RASGEF1C: variants seen among roughly 807,000 people sequenced by gnomAD.
RASGEF1C encodes the protein RasGEF domain family member 1C.
RASGEF1C carries 27 observed loss-of-function variants against 58.1 expected under a neutral mutation model. The observed-to-expected ratio is 0.46, with a 90% CI of 0.34 to 0.64. The LOEUF is 0.64. RASGEF1C is among the 30% of genes least tolerant of loss of function. The pLI, the probability that RASGEF1C is intolerant of heterozygous loss-of-function variation, is 0.01. For synonymous variants in RASGEF1C, 243 were observed against 246.3 expected (o/e 0.99, Z 0.13); for missense variants, 502 against 605.1 (o/e 0.83, Z 1.79).
At chr5:180,169,709 G>T (rs1212305292) in intron 1 of RASGEF1C, among the ~76,000 whole-genome samples, 1 of 152,044 alleles carries the variant, frequency 6.6e-6, no homozygotes, top group Non-Finnish European at 1.5e-5. Flanking sequence ...TGGGGACTTG[G>T]TCTGCACCCT....
intron 4 of RASGEF1C, among the ~76,000 whole-genome samples, chr5:180,136,120 C>T (rs1277215842): frequency 6.6e-6 from 1 of 152,242 alleles, no homozygotes; most frequent in Non-Finnish European, 1.5e-5. Flanking sequence ...CACCTGGCCC[C>T]AAAAGCCCAG....
chr5:180,119,790 C>G (rs1445166685), intron 7 of RASGEF1C, among the ~76,000 whole-genome samples: 1 of 152,216 alleles, frequency 6.6e-6, no homozygotes. Context: ...AGAGCCCCAA[C>G]TACTTGCCCC....
At chr5:180,124,021 CCTAAAA>C (rs1766216378) in intron 6 of RASGEF1C, among the ~76,000 whole-genome samples, 1 of 151,898 alleles carries the variant, frequency 6.6e-6, no homozygotes, top group African/African-American at 2.4e-5. Context: ...CCTAAATAGT[CCTAAAA>C]CCATTAAATT....
intron 1 of RASGEF1C, among the ~76,000 whole-genome samples, chr5:180,193,392 C>T (rs1185700132): frequency 6.6e-6 from 1 of 152,118 alleles, no homozygotes; most frequent in Non-Finnish European, 1.5e-5. Flanking sequence ...CCTTTTTTAA[C>T]GTGGCTACTA....
chr5:180,135,953 C>T (rs1766464765), intron 4 of RASGEF1C, among the ~76,000 whole-genome samples: 2 of 152,246 alleles, frequency 1.3e-5, no homozygotes, highest in South Asian at 2.1e-4. Flanking sequence ...TTCCCTGGCC[C>T]TGATTTGCAG....
At chr5:180,104,088 G>T (rs1265543730) in intron 12 of RASGEF1C, among the ~76,000 whole-genome samples, 3 of 152,104 alleles carry the variant, frequency 2.0e-5, no homozygotes, top group East Asian at 1.9e-4. Context: ...TTTTGTTAAG[G>T]ATTCTTGTGT....
At chr5:180,135,991 G>A (rs1438513697) in intron 4 of RASGEF1C, among the ~76,000 whole-genome samples, 1 of 152,198 alleles carries the variant, frequency 6.6e-6, no homozygotes, top group Non-Finnish European at 1.5e-5. Context: ...CTGACAACCA[G>A]CCCAGCCCTT....
intron 1 of RASGEF1C, chr5:180,138,285 G>T: frequency 2.5e-6 from 1 of 405,220 alleles, no homozygotes; most frequent in Non-Finnish European, 4.3e-6. Flanking sequence ...TCTCCTGCAG[G>T]ACCCATCTCT....
At chr5:180,146,999 G>A (rs1238118683) in intron 1 of RASGEF1C, among the ~76,000 whole-genome samples, 1 of 151,986 alleles carries the variant, frequency 6.6e-6, no homozygotes, top group Non-Finnish European at 1.5e-5. Flanking sequence ...TTAGTTATAG[G>A]TCTATTTACG....
intron 1 of RASGEF1C, among the ~76,000 whole-genome samples, chr5:180,195,456 G>A (rs1483021006): frequency 4.6e-5 from 7 of 152,088 alleles, no homozygotes; most frequent in Admixed American, 4.6e-4. Flanking sequence ...TACCTGTAGC[G>A]TGCACGTGTC....
intron 4 of RASGEF1C, 131 bp from the exon 5 acceptor site, chr5:180,128,741 C>A (rs1359781516): frequency 7.6e-6 from 7 of 923,026 alleles, no homozygotes; most frequent in Non-Finnish European, 1.2e-5. Context: ...AGGCCAGGTA[C>A]CAGCGCAGGG....
intron 1 of RASGEF1C, among the ~76,000 whole-genome samples, chr5:180,174,732 G>C (rs1767195446): frequency 6.6e-6 from 1 of 152,158 alleles, no homozygotes; most frequent in Non-Finnish European, 1.5e-5. Flanking sequence ...GTGGTCCACA[G>C]CCAGCACTCA....
At chr5:180,174,298 C>CATCA (rs1365350458) in intron 1 of RASGEF1C, among the ~76,000 whole-genome samples, 1 of 152,184 alleles carries the variant, frequency 6.6e-6, no homozygotes, top group Non-Finnish European at 1.5e-5. Context: ...AAGATGAAGT[C>CATCA]ATCAGTTTAT....
chr5:180,132,486 G>A (rs1425604851), intron 4 of RASGEF1C, among the ~76,000 whole-genome samples: 2 of 152,204 alleles, frequency 1.3e-5, no homozygotes, highest in Non-Finnish European at 2.9e-5. Context: ...GCCAGCCTAG[G>A]GCTGATGTCC....
At chr5:180,119,664 T>C (rs1766134462) in intron 7 of RASGEF1C, among the ~76,000 whole-genome samples, 1 of 151,852 alleles carries the variant, frequency 6.6e-6, no homozygotes, top group Non-Finnish European at 1.5e-5. Flanking sequence ...GGGGCACGGG[T>C]ACCCCCTGTA....
chr5:180,205,289 A>C (rs1439164959), intron 1 of RASGEF1C, among the ~76,000 whole-genome samples: 1 of 152,230 alleles, frequency 6.6e-6, no homozygotes, highest in South Asian at 2.1e-4. Context: ...AACATACACG[A>C]AACAGTAGCC....
At chr5:180,175,722 G>A (rs1339950951) in intron 1 of RASGEF1C, among the ~76,000 whole-genome samples, 1 of 152,210 alleles carries the variant, frequency 6.6e-6, no homozygotes, top group Admixed American at 6.5e-5. Flanking sequence ...TCAAAGGGCC[G>A]GGCGCGGTGG....
intron 1 of RASGEF1C, among the ~76,000 whole-genome samples, chr5:180,165,010 G>A (rs747265885): frequency 1.5e-4 from 23 of 152,230 alleles, no homozygotes; most frequent in Middle Eastern, 6.8e-3. Context: ...TTATCATTAC[G>A]TAATGTCCTT....
At chr5:180,103,491 T>C (rs954371066) in intron 12 of RASGEF1C, among the ~76,000 whole-genome samples, 25 of 152,070 alleles carry the variant, frequency 1.6e-4, no homozygotes, top group African/African-American at 2.4e-5. Context: ...AGCGTGCACA[T>C]GTTTATTGCT....
Sources: allele counts gnomAD v4.1 joint callset (sites outside exome capture counted in the v4.1 genomes callset), GRCh38; gene constraint gnomAD v4.1.1; transcripts MANE v1.5; gene names NCBI Gene and HGNC (gene_info 2026-07-23, HGNC 2026-07-21).